Variants in NIM1K observed in about 807,000 individuals in gnomAD.
The protein encoded by NIM1K is serine/threonine-protein kinase NIM1.
Under a neutral mutation model 37.1 loss-of-function variants are expected in NIM1K, and 35 were observed. That is an observed-to-expected ratio of 0.94 (90% CI 0.72 to 1.25). The LOEUF (loss-of-function observed/expected upper bound fraction) is 1.25, where lower values mean the gene tolerates loss of function less well. Ranked by LOEUF, NIM1K falls within the 50% of genes most tolerant of loss-of-function variation. NIM1K has a pLI of 0.00. For missense variants in NIM1K, 564 were observed against 548.0 expected (o/e 1.03, Z -0.29); for synonymous variants, 234 against 206.6 (o/e 1.13, Z -1.14).
chr5:43,220,340 C>G (rs573025476), intron 1 of NIM1K, among the ~76,000 whole-genome samples: 1 of 142,136 alleles, frequency 7.0e-6, no homozygotes, highest in African/African-American at 2.6e-5. Flanking sequence ...GGCTATAGTG[C>G]GGTGGCACCA....
intron 2 of NIM1K, among the ~76,000 whole-genome samples, chr5:43,259,869 G>C (rs967531559): frequency 2.0e-5 from 3 of 152,024 alleles, no homozygotes; most frequent in Admixed American, 6.6e-5. Context: ...CTAAGTCAAT[G>C]TCCAGTAGAG....
chr5:43,264,138 T>C (rs1020826981), intron 2 of NIM1K, among the ~76,000 whole-genome samples: 3 of 152,206 alleles, frequency 2.0e-5, no homozygotes, highest in Non-Finnish European at 2.9e-5. Flanking sequence ...CTGTTAGGTC[T>C]GCGTGGTGCA....
chr5:43,265,404 C>A (rs536050669), intron 2 of NIM1K, among the ~76,000 whole-genome samples: 2 of 152,114 alleles, frequency 1.3e-5, no homozygotes, highest in African/African-American at 4.8e-5. Flanking sequence ...TCCATTTGAT[C>A]GAATTGGCTA....
rs1753432071 is a variant in NIM1K at position 43,280,781 on chromosome 5, T to G, written c.*52T>G. The G allele has an allele frequency of 6.8e-7, 1 of 1,479,486 alleles. No homozygotes were observed. The highest frequency in any genetic ancestry group is 9.0e-7 in the Non-Finnish European group (1 of 1,111,754). 91.6% of individuals were successfully genotyped at this position (1,479,486 alleles called of 1,614,324 possible). The stretch of plus-strand genomic sequence containing the variant: ...CAAGATGATTGTTGCTGCTTCTAAA[T>G]TTTTTTCAAGGACAACTTGAGTGGA... On this transcript the variant is annotated 3_prime_UTR_variant, in exon 4 of 4. Transcript: ENST00000326035.
chr5:43,267,392 T>C (rs1040519551), intron 2 of NIM1K, among the ~76,000 whole-genome samples: 7 of 152,338 alleles, frequency 4.6e-5, no homozygotes, highest in Admixed American at 2.0e-4. Flanking sequence ...TTGTTTATCT[T>C]TTCAAAGAAC....
At chr5:43,244,445 GA>G (rs554953939) in intron 1 of NIM1K, among the ~76,000 whole-genome samples, 3 of 152,098 alleles carry the variant, frequency 2.0e-5, no homozygotes, top group Middle Eastern at 3.4e-3. Flanking sequence ...GGAGAGTGCA[GA>G]AAAAAAACAT....
Position 43,277,335 on chromosome 5 carries a change from GGT to G in NIM1K, c.561+12_561+13del. The G allele has an allele frequency of 6.2e-7, 1 of 1,611,080 alleles. No homozygotes were observed. On this transcript the variant is annotated intron_variant, in intron 3 of 3. Transcript: ENST00000326035. ...TGCCGTGAAGCACATGGTGAGCAGGGGTGACGAGTGAGAACCTTGCTCCCATT... is the reference window on the plus strand; with the variant it reads ...TGCCGTGAAGCACATGGTGAGCAGGGGACGAGTGAGAACCTTGCTCCCATT...
chr5:43,236,111 C>T (rs1752617693), intron 1 of NIM1K, among the ~76,000 whole-genome samples: 1 of 151,450 alleles, frequency 6.6e-6, no homozygotes, highest in Admixed American at 6.6e-5. Context: ...CCTGTCTTTA[C>T]AAAAAATAAC....
intron 2 of NIM1K, among the ~76,000 whole-genome samples, chr5:43,254,665 C>T (rs1752914619): frequency 6.6e-6 from 1 of 152,210 alleles, no homozygotes; most frequent in Non-Finnish European, 1.5e-5. Flanking sequence ...TGTGATCTCC[C>T]TGGAGGACAG....
chr5:43,238,606 C>T (rs1195106482), intron 1 of NIM1K, among the ~76,000 whole-genome samples: 1 of 151,820 alleles, frequency 6.6e-6, no homozygotes, highest in Admixed American at 6.6e-5. Context: ...TTCAGTCATT[C>T]ATTCTAAGCA....
intron 2 of NIM1K, among the ~76,000 whole-genome samples, chr5:43,264,426 A>G (rs1753088455): frequency 6.6e-6 from 1 of 151,908 alleles, no homozygotes; most frequent in South Asian, 2.1e-4. Flanking sequence ...CTGTTTTATC[A>G]GAGACTAGGA....
chr5:43,229,121 C>G (rs193175428), intron 1 of NIM1K, among the ~76,000 whole-genome samples: 15 of 152,300 alleles, frequency 9.8e-5, no homozygotes, highest in African/African-American at 3.4e-4. Context: ...GTGGCTCATG[C>G]CTGTAATTCC....
chr5:43,253,214 G>GTAATATATAATATAATATATAATATAA (rs1561088059), intron 2 of NIM1K, among the ~76,000 whole-genome samples: 15 of 28,272 alleles, frequency 5.3e-4, no homozygotes, highest in African/African-American at 1.4e-3. Flanking sequence ...TATAATATAT[G>GTAATATATAATATAATATATAATATAA]TGTGTGTGTG....
At chr5:43,217,459 C>CAA (rs35739990) in intron 1 of NIM1K, among the ~76,000 whole-genome samples, 15 of 93,698 alleles carry the variant, frequency 1.6e-4, no homozygotes, top group African/African-American at 2.4e-4. Flanking sequence ...TGTGGACATG[C>CAA]AAAAAAAAAA....
chr5:43,221,447 C>CAAA (rs55658060), intron 1 of NIM1K, among the ~76,000 whole-genome samples: 19 of 124,080 alleles, frequency 1.5e-4, no homozygotes, highest in Non-Finnish European at 1.8e-4. Context: ...GAGACTGTCT[C>CAAA]AAAAAAAAAA....
intron 2 of NIM1K, among the ~76,000 whole-genome samples, chr5:43,264,753 T>C (rs1252532609): frequency 6.6e-6 from 1 of 152,216 alleles, no homozygotes; most frequent in African/African-American, 2.4e-5. Flanking sequence ...TTGCAGTGGC[T>C]GGTACTGGTT....
intron 2 of NIM1K, among the ~76,000 whole-genome samples, chr5:43,248,312 C>T (rs1055660108): frequency 2.6e-5 from 4 of 152,144 alleles, no homozygotes; most frequent in African/African-American, 7.2e-5. Context: ...GGACTTTGAA[C>T]GTTATCCAAG....
At chr5:43,228,748 T>C (rs186386219) in intron 1 of NIM1K, among the ~76,000 whole-genome samples, 1,942 of 152,164 alleles carry the variant, frequency 0.013, 33 homozygotes, top group South Asian at 0.066. Context: ...GGAGGCTCTC[T>C]TGAGACCAGG....
rs1238721141 is a variant in NIM1K, at chr5:43,244,401, TG to T, written c.-694-678del. On this transcript the variant is annotated intron_variant, in intron 1 of 3. Transcript: ENST00000326035. ...ATTTTGGAAAATGCACGAAGTGCTG[TG>T]GGAATTCAGAGAGGAAGAGAGTATT... is the stretch of plus-strand genomic sequence containing the variant. Among the ~76,000 whole-genome samples, 4 of 152,322 alleles carry T rather than the reference TG, an allele frequency of 2.6e-5. No homozygotes were observed. In the East Asian group the frequency reaches 7.7e-4, roughly 29 times the overall value.
Sources: gnomAD v4.1 joint callset for allele counts (sites outside exome capture counted in the v4.1 genomes callset) on GRCh38, gnomAD v4.1.1 for gene constraint, MANE v1.5 for transcripts, NCBI Gene and HGNC (gene_info 2026-07-23, HGNC 2026-07-21) for gene names.